Variants in PTPRM observed in about 807,000 individuals in gnomAD.
The protein encoded by PTPRM is protein tyrosine phosphatase receptor type M.
PTPRM carries 47 observed loss-of-function variants against 186.7 expected under a neutral mutation model. That is an observed-to-expected ratio of 0.25 (90% CI 0.20 to 0.32). The LOEUF is 0.32. Among genes scored for constraint, PTPRM ranks in the 10% least tolerant of loss-of-function variants. The pLI, the probability that PTPRM is intolerant of heterozygous loss-of-function variation, is 1.00. For missense variants in PTPRM, 1,494 were observed against 1,865.0 expected (o/e 0.80, Z 3.66); for synonymous variants, 668 against 674.9 (o/e 0.99, Z 0.16).
At chr18:8,053,998 A>G (rs2087705537) in intron 7 of PTPRM, among the ~76,000 whole-genome samples, 1 of 151,996 alleles carries the variant, frequency 6.6e-6, no homozygotes. Flanking sequence ...CCTTGCTGAC[A>G]TTTGCTATTT....
At chr18:8,122,614 C>A (rs967954755) in intron 13 of PTPRM, among the ~76,000 whole-genome samples, 3 of 152,176 alleles carry the variant, frequency 2.0e-5, no homozygotes, top group Non-Finnish European at 2.9e-5. Context: ...CTTGAAATAG[C>A]AATAACATCA....
chr18:8,131,160 G>C (rs139394403), intron 13 of PTPRM, among the ~76,000 whole-genome samples: 1 of 152,272 alleles, frequency 6.6e-6, no homozygotes, highest in East Asian at 1.9e-4. Flanking sequence ...TTGAACTTCT[G>C]GGAAAATGAA....
chr18:8,135,193 A>G (rs376166556), intron 13 of PTPRM, among the ~76,000 whole-genome samples: 54 of 152,328 alleles, frequency 3.5e-4, no homozygotes, highest in Non-Finnish European at 5.3e-4. Context: ...GGGGCTAGTC[A>G]TAAATGAGGA....
chr18:8,028,150 G>A (rs768529961), intron 7 of PTPRM, among the ~76,000 whole-genome samples: 6 of 152,228 alleles, frequency 3.9e-5, no homozygotes, highest in East Asian at 1.9e-4. Context: ...TTACTGGCAC[G>A]TGCCACCACA....
chr18:8,251,616 C>T lies in PTPRM; in HGVS notation c.2555-872C>T, dbSNP rs530965939. ...TATTTTGTCTTTGTGTCTTTAGCCA[C>T]GTTGTAGTGATCCAGGTGCCATTTC... On this transcript the variant is annotated intron_variant, in intron 17 of 32. Transcript: ENST00000580170. 10 of 152,222 alleles carry T rather than the reference C, an allele frequency of 6.6e-5. No individual in the cohort carries two copies. The South Asian group carries it at 1.2e-3, about 19-fold the overall frequency. The allele number at this position is 152,222 out of a possible 1,614,324, so 9.4% of individuals were successfully genotyped here.
chr18:7,596,436 C>A (rs2037263167), intron 1 of PTPRM, among the ~76,000 whole-genome samples: 1 of 152,216 alleles, frequency 6.6e-6, no homozygotes. Flanking sequence ...GGCATTTCAT[C>A]ATCTCACATC....
At chr18:8,252,034 A>G (rs1397025249) in intron 17 of PTPRM, among the ~76,000 whole-genome samples, 2 of 152,222 alleles carry the variant, frequency 1.3e-5, no homozygotes, top group Non-Finnish European at 2.9e-5. Flanking sequence ...TTCCCTGCAT[A>G]AGACATTTTT....
In PTPRM at chr18:8,054,298, AAT is replaced by A. The variant is rs34903203; in HGVS notation, c.1133-15365_1133-15364del. 2.1e-3 allele frequency among the ~76,000 whole-genome samples: 282 copies of A among 131,656 alleles called. 2 individuals carry two copies. Among genetic ancestry groups the A allele is most frequent in the East Asian group, 0.013 (62 of 4,820 alleles). The allele number at this position is 131,656 out of a possible 152,430, so 86.4% of individuals were successfully genotyped here. A position where few individuals can be genotyped will look rare whatever the true frequency, so the allele number is the denominator to read the frequency against. ...AGTAGTAATATATACTAGTAGTAGT[AAT>A]ATATATATATATATATATATATTAC... On this transcript the variant is annotated intron_variant, in intron 7 of 32. Transcript: ENST00000580170.
intron 17 of PTPRM, among the ~76,000 whole-genome samples, chr18:8,249,235 G>A (rs1225727639): frequency 6.6e-6 from 1 of 152,014 alleles, no homozygotes; most frequent in Non-Finnish European, 1.5e-5. Flanking sequence ...AAGTTGTTAC[G>A]ATTTTTGTAT....
chr18:7,868,748 C>T (rs180869624), intron 2 of PTPRM, among the ~76,000 whole-genome samples: 2 of 152,376 alleles, frequency 1.3e-5, no homozygotes, highest in Admixed American at 6.5e-5. Flanking sequence ...CCACTGCTCT[C>T]TTCAGAGCTG....
intron 2 of PTPRM, among the ~76,000 whole-genome samples, chr18:7,783,278 C>CT (rs983859814): frequency 2.5e-4 from 38 of 152,240 alleles, no homozygotes; most frequent in African/African-American, 8.9e-4. Flanking sequence ...CTCTCACAGC[C>CT]TGTGTGTTCC....
intron 7 of PTPRM, among the ~76,000 whole-genome samples, chr18:7,983,086 A>G (rs1484617470): frequency 6.6e-6 from 1 of 151,892 alleles, no homozygotes; most frequent in African/African-American, 2.4e-5. Flanking sequence ...TGTCAAACAC[A>G]TGTACTTTCA....
chr18:8,302,255 G>C (rs753340874), intron 20 of PTPRM, among the ~76,000 whole-genome samples: 3 of 152,220 alleles, frequency 2.0e-5, no homozygotes, highest in Admixed American at 6.5e-5. Flanking sequence ...AACTGAACAA[G>C]AGGGGACGGA....
chr18:8,214,270 A>C (rs1474400214), intron 14 of PTPRM, among the ~76,000 whole-genome samples: 2 of 139,702 alleles, frequency 1.4e-5, no homozygotes, highest in Non-Finnish European at 3.2e-5. Flanking sequence ...TTTGCAAGAA[A>C]TTGAAACTTA....
At position 8,143,788 on chromosome 18, in the gene PTPRM, C is replaced by T. The variant is rs373143082; in HGVS notation, c.2300+9C>T. 4.7e-5 allele frequency: 76 copies of T among 1,613,644 alleles called. No individual in the cohort carries two copies. In the East Asian group the frequency reaches 5.6e-4, roughly 12 times the overall value. ...TTGGTAATGAAGAAAAGGTGAGCTC[C>T]TAGCTGTTGCCAAAGATACAGTTAT... On this transcript the variant is annotated intron_variant, in intron 14 of 32. Transcript: ENST00000580170.
At chr18:8,029,012 C>A (rs762857014) in intron 7 of PTPRM, among the ~76,000 whole-genome samples, 7 of 151,982 alleles carry the variant, frequency 4.6e-5, no homozygotes, top group Non-Finnish European at 1.0e-4. Context: ...CTCTTTCTCA[C>A]CAACACCAGG....
At chr18:7,986,734 T>G (rs986440572) in intron 7 of PTPRM, among the ~76,000 whole-genome samples, 1 of 152,208 alleles carries the variant, frequency 6.6e-6, no homozygotes, top group Non-Finnish European at 1.5e-5. Flanking sequence ...GAGGTCTGAG[T>G]TGGTGTTTTG....
intron 10 of PTPRM, among the ~76,000 whole-genome samples, chr18:8,086,651 A>G (rs1171299460): frequency 6.6e-6 from 1 of 152,118 alleles, no homozygotes; most frequent in Non-Finnish European, 1.5e-5. Context: ...GTTATCAGCC[A>G]TGGTTAGGTC....
chr18:7,601,159 A>C (rs934061337), intron 1 of PTPRM, among the ~76,000 whole-genome samples: 1 of 152,210 alleles, frequency 6.6e-6, no homozygotes, highest in Admixed American at 6.5e-5. Flanking sequence ...GGAGACAGAA[A>C]ACTGGCTGTT....
Sources: gnomAD v4.1 joint callset for allele counts (sites outside exome capture counted in the v4.1 genomes callset) on GRCh38, gnomAD v4.1.1 for gene constraint, MANE v1.5 for transcripts, NCBI Gene and HGNC (gene_info 2026-07-23, HGNC 2026-07-21) for gene names.